The following KIR2DL1 variants were observed in gnomAD, a reference collection of about 807,000 sequenced individuals.
The protein encoded by KIR2DL1 is killer cell immunoglobulin like receptor, two Ig domains and long cytoplasmic tail 1.
KIR2DL1 carries 38 observed loss-of-function variants against 33.9 expected under a neutral mutation model. The ratio of observed to expected loss-of-function variants is 1.12; its 90% CI spans 0.86 to 1.47. KIR2DL1 has a LOEUF of 1.47. KIR2DL1 is among the 40% of genes most tolerant of loss of function. KIR2DL1 has a pLI of 0.00. For synonymous variants in KIR2DL1, 179 were observed against 165.9 expected (o/e 1.08, Z -0.61); for missense variants, 531 against 433.9 (o/e 1.22, Z -1.99).
intron 5 of KIR2DL1, among the ~76,000 whole-genome samples, chr19:54,781,652 T>C (rs665238): frequency 2.0e-4 from 31 of 151,696 alleles, no homozygotes; most frequent in Non-Finnish European, 3.5e-4. Flanking sequence ...GGGTGGTCCT[T>C]CCCCCAGCCT....
intron 1 of KIR2DL1, 25 bp from the exon 2 acceptor site, chr19:54,770,824 C>T (rs781490910): frequency 3.2e-6 from 5 of 1,577,742 alleles, no homozygotes; most frequent in Non-Finnish European, 4.3e-6. Context: ...GCAGATGGGT[C>T]ATCCATCATG....
Position 54,773,363 on chromosome 19 carries a change from A to T in KIR2DL1, c.101A>T (p.His34Leu). Residue 34 changes from histidine (H) to leucine (L), a missense_variant, in exon 3 of 8, where the codon CAC (histidine) becomes CTC (leucine). By Grantham distance (99) the His-to-Leu change is moderately conservative (BLOSUM62 -3). Transcript: ENST00000336077. ...GVHRKPSLLA[H>L]PGRLVKSEET... is the part of the protein sequence containing the mutation. Reference sequence around the variant, plus strand: ...CACAGAAAACCTTCCCTCCTGGCCCACCCAGGTCGCCTGGTGAAATCAGAA... The same window carrying T: ...CACAGAAAACCTTCCCTCCTGGCCCTCCCAGGTCGCCTGGTGAAATCAGAA... The T allele has an allele frequency of 6.3e-7, 1 of 1,599,686 alleles. No homozygotes were observed. The highest frequency in any genetic ancestry group is 8.5e-7 in the Non-Finnish European group (1 of 1,170,886).
intron 5 of KIR2DL1, among the ~76,000 whole-genome samples, chr19:54,781,696 C>A (rs535623790): frequency 6.7e-6 from 1 of 149,818 alleles, no homozygotes; most frequent in Non-Finnish European, 1.5e-5. Context: ...ATGTGTCTCC[C>A]GAGATCACAA....
chr19:54,777,215 C>G (rs1193375775), intron 4 of KIR2DL1, among the ~76,000 whole-genome samples: 59 of 149,704 alleles, frequency 3.9e-4, no homozygotes, highest in African/African-American at 1.4e-3. Flanking sequence ...CTCAGCCTCC[C>G]GAGTAGCTGG....
intron 4 of KIR2DL1, among the ~76,000 whole-genome samples, chr19:54,777,763 C>T (rs2076515513): frequency 1.4e-5 from 2 of 147,756 alleles, no homozygotes; most frequent in Non-Finnish European, 3.0e-5. Flanking sequence ...CGTCCTGGAG[C>T]ATTTCCCCAA....
At position 54,783,525 on chromosome 19, in the gene KIR2DL1, C is replaced by T; in HGVS notation, c.857C>T (p.Thr286Ile). Residue 286 changes from threonine (T) to isoleucine (I), a missense_variant, in exon 7 of 8, where the codon ACA (threonine) becomes ATA (isoleucine). Transcript: ENST00000336077. ...VMDQESAGNRTANSEDSDEQD... is the reference protein window; with the variant it reads ...VMDQESAGNRIANSEDSDEQD... Reference sequence around the variant, plus strand: ...GACCAAGAGTCTGCAGGAAACAGAACAGCGAATAGCGAGGTAGGTACTCCT... The same window carrying T: ...GACCAAGAGTCTGCAGGAAACAGAATAGCGAATAGCGAGGTAGGTACTCCT... 3 of 1,613,784 alleles carry T rather than the reference C, an allele frequency of 1.9e-6. No homozygotes were observed. The highest frequency in any genetic ancestry group is 3.3e-5 in the Admixed American group (2 of 59,978).
rs1471414380 is a variant in KIR2DL1 at position 54,773,716 on chromosome 19, G to A, written c.370+84G>A. ...AATTGGAGACCCAGGTGGCTGTAAG[G>A]AAGATGAGCTTGGTATTCTTATGGA... is the stretch of plus-strand genomic sequence containing the variant. On this transcript the variant is annotated intron_variant, in intron 3 of 7. Coordinates refer to ENST00000336077, the MANE Select transcript of KIR2DL1 (RefSeq NM_014218.3). 4.3e-5 allele frequency: 59 copies of A among 1,378,704 alleles called. 1 individual carries two copies. The African/African-American group carries it at 7.9e-4, about 18-fold the overall frequency. 85.4% of individuals were successfully genotyped at this position (1,378,704 alleles called of 1,614,324 possible). A position where few individuals can be genotyped will look rare whatever the true frequency, so the allele number is the denominator to read the frequency against.
chr19:54,774,721 T>C (rs1330208180), intron 3 of KIR2DL1, among the ~76,000 whole-genome samples: 2 of 147,838 alleles, frequency 1.4e-5, no homozygotes, highest in South Asian at 2.1e-4. Context: ...AGATGATTGA[T>C]GGATAGATAG....
intron 2 of KIR2DL1, among the ~76,000 whole-genome samples, chr19:54,773,088 C>T (rs201158824): frequency 2.8e-5 from 4 of 142,958 alleles, no homozygotes; most frequent in Non-Finnish European, 4.6e-5. Context: ...TACAACAGCC[C>T]AAGAGATGAG....
At position 54,773,680 on chromosome 19, in the gene KIR2DL1, A is replaced by T. The variant is rs1569173900; in HGVS notation, c.370+48A>T. 5.3e-6 allele frequency: 8 copies of T among 1,519,984 alleles called. 1 individual carries two copies. Among genetic ancestry groups the T allele is most frequent in the Middle Eastern group, 1.9e-4 (1 of 5,316 alleles). The allele number at this position is 1,519,984 out of a possible 1,614,324, so 94.2% of individuals were successfully genotyped here. A position where few individuals can be genotyped will look rare whatever the true frequency, so the allele number is the denominator to read the frequency against. ...CTCATTGTCATTGGGATGCAGAGTG[A>T]ATGATCCAGGAATTGGAGACCCAGG... On this transcript the variant is annotated intron_variant, in intron 3 of 7. Coordinates refer to ENST00000336077, the MANE Select transcript of KIR2DL1 (RefSeq NM_014218.3).
At chr19:54,771,291 G>T (rs1211266698) in intron 2 of KIR2DL1, among the ~76,000 whole-genome samples, 1 of 141,160 alleles carries the variant, frequency 7.1e-6, no homozygotes, top group Non-Finnish European at 1.6e-5. Flanking sequence ...GTTTATTTTC[G>T]TTCAGGCATC....
rs372509001 is a variant in KIR2DL1 at position 54,783,557 on chromosome 19, G to C, written c.870+19G>C. On this transcript the variant is annotated intron_variant, in intron 7 of 7. Coordinates refer to ENST00000336077, the MANE Select transcript of KIR2DL1 (RefSeq NM_014218.3). Reference sequence around the variant, plus strand: ...TAGCGAGGTAGGTACTCCTCGGCCCGGGCTCGTGGCTACTGTTATTCCCAA... The same window carrying C: ...TAGCGAGGTAGGTACTCCTCGGCCCCGGCTCGTGGCTACTGTTATTCCCAA... 1.1e-4 allele frequency: 185 copies of C among 1,613,496 alleles called. 4 individuals carry two copies. In the Middle Eastern group the frequency reaches 1.5e-3, roughly 13 times the overall value.
At position 54,774,459 on chromosome 19, in the gene KIR2DL1, A is replaced by T. The variant is rs200903930; in HGVS notation, c.371-706A>T. 1.8e-4 allele frequency among the ~76,000 whole-genome samples: 27 copies of T among 148,510 alleles called. No homozygotes were observed. The East Asian group carries it at 3.9e-3, about 21-fold the overall frequency. ...GGAGATGTGGGGATGAATTGCAGAG[A>T]TTCCAAAGAGAACTAGAGAGACCGA... On this transcript the variant is annotated intron_variant, in intron 3 of 7. Coordinates refer to ENST00000336077, the MANE Select transcript of KIR2DL1 (RefSeq NM_014218.3).
At chr19:54,781,144 T>A (rs2076881625) in intron 5 of KIR2DL1, among the ~76,000 whole-genome samples, 3 of 95,420 alleles carry the variant, frequency 3.1e-5, no homozygotes, top group African/African-American at 8.3e-5. Context: ...ATCACTGCAC[T>A]CCAGCCTGGG....
intron 5 of KIR2DL1, 149 bp downstream of exon 5, chr19:54,778,811 G>A: frequency 9.4e-7 from 1 of 1,062,962 alleles, no homozygotes; most frequent in Non-Finnish European, 1.4e-6. Flanking sequence ...CAGCGAAAGG[G>A]ATCTGGGCCC....
rs28465191 is a variant in KIR2DL1, at chr19:54,775,370, C to T, written c.576C>T (p.His192=). 184,573 of 1,283,972 alleles carry T rather than the reference C, an allele frequency of 0.14. 1,230 individuals carry two copies. The highest frequency in any genetic ancestry group is 0.26 in the South Asian group (18,111 of 69,840). 79.5% of individuals were successfully genotyped at this position (1,283,972 alleles called of 1,614,324 possible). A position where few individuals can be genotyped will look rare whatever the true frequency, so the allele number is the denominator to read the frequency against. Residue 192 remains histidine (H), a synonymous_variant, in exon 4 of 8, where the codon CAC becomes CAT. Transcript: ENST00000336077. ...QADFPLGPAT[H]GGTYRCFGSF... is the part of the protein sequence containing the mutation. ...ACTTTCCTCTGGGCCCTGCCACCCA[C>T]GGAGGGACCTACAGATGCTTCGGCT...
At chr19:54,770,067 A>T (rs546677812) in intron 1 of KIR2DL1, among the ~76,000 whole-genome samples, 183 bp downstream of exon 1, 2 of 135,590 alleles carry the variant, frequency 1.5e-5, no homozygotes, top group East Asian at 4.2e-4. Context: ...AGAGGTCGAG[A>T]TATAGGCCTG....
At chr19:54,782,186 G>T (rs2077043384) in intron 5 of KIR2DL1, among the ~76,000 whole-genome samples, 1 of 151,850 alleles carries the variant, frequency 6.6e-6, no homozygotes, top group South Asian at 2.1e-4. Context: ...GGAGCCACAG[G>T]AAGCACTCAG....
intron 3 of KIR2DL1, among the ~76,000 whole-genome samples, chr19:54,774,706 A>C (rs1315470294): frequency 6.7e-6 from 1 of 148,186 alleles, no homozygotes; most frequent in Non-Finnish European, 1.5e-5. Context: ...ATAGATATAG[A>C]TAATAGATGA....
Sources: allele counts gnomAD v4.1 joint callset (sites outside exome capture counted in the v4.1 genomes callset), GRCh38; gene constraint gnomAD v4.1.1; transcripts MANE v1.5; gene names NCBI Gene and HGNC (gene_info 2026-07-23, HGNC 2026-07-21).